The following LIMS1 variants were observed in gnomAD, a reference collection of about 807,000 sequenced individuals.
LIMS1 encodes the protein LIM and senescent cell antigen-like-containing domain protein 1.
In LIMS1, 18 loss-of-function variants were observed where a neutral mutation model predicts 44.1. That is an observed-to-expected ratio of 0.41 (90% CI 0.28 to 0.61). The LOEUF (loss-of-function observed/expected upper bound fraction) is 0.61. Ranked by LOEUF, LIMS1 falls within the 20% of genes least tolerant of loss-of-function variation. LIMS1 has a pLI of 0.32. For synonymous variants in LIMS1, 93 were observed against 149.1 expected, an observed-to-expected ratio of 0.62 and a Z score of 2.74; for missense variants, 201 against 422.0, an observed-to-expected ratio of 0.48 and a Z score of 4.59.
At chr2:108,608,796 C>G (rs1325816510) in intron 1 of LIMS1, among the ~76,000 whole-genome samples, 1 of 152,112 alleles carries the variant, frequency 6.6e-6, no homozygotes, top group Admixed American at 6.5e-5. Context: ...TGTCACTCAC[C>G]AGTTGGGAGC....
rs968585330 is a variant in LIMS1, at chr2:108,649,944, T to G, written c.33-9661T>G. ...AACAAACCTGCACGTTCTGCACATG[T>G]ACCTACCTCGAACTTGAAGTATAAT... On this transcript the variant is annotated intron_variant, in intron 1 of 9. Coordinates refer to ENST00000544547, the Ensembl canonical transcript of LIMS1. 3.9e-5 allele frequency among the ~76,000 whole-genome samples: 6 copies of G among 152,318 alleles called. No individual in the cohort carries two copies. The East Asian group carries it at 1.2e-3, about 29-fold the overall frequency.
chr2:108,642,948 C>T (rs1573532923), intron 1 of LIMS1, among the ~76,000 whole-genome samples: 1 of 152,280 alleles, frequency 6.6e-6, no homozygotes, highest in East Asian at 1.9e-4. Context: ...GGCCCTTAAC[C>T]AAGCTATTGG....
At chr2:108,588,038 AT>A (rs1686191660) in intron 1 of LIMS1, among the ~76,000 whole-genome samples, 1 of 152,190 alleles carries the variant, frequency 6.6e-6, no homozygotes, top group South Asian at 2.1e-4. Flanking sequence ...AGAGGCTATC[AT>A]TTTTTTAAAG....
chr2:108,683,879 CT>C lies in LIMS1; in HGVS notation c.900-3del. On this transcript the variant is annotated splice_region_variant and splice_polypyrimidine_tract_variant and intron_variant, in intron 9 of 9. Coordinates refer to ENST00000544547, the Ensembl canonical transcript of LIMS1. ...CTTCTTTTTTTTTATAATTTTTTGTCTTTAGGAATAAGTTTGTGGAGTTTGA... is the reference window on the plus strand; with the variant it reads ...CTTCTTTTTTTTTATAATTTTTTGTCTTAGGAATAAGTTTGTGGAGTTTGA... The C allele has an allele frequency of 1.4e-6, 2 of 1,436,678 alleles. No individual in the cohort carries two copies. The highest frequency in any genetic ancestry group is 1.9e-6 in the Non-Finnish European group (2 of 1,057,842). The allele number at this position is 1,436,678 out of a possible 1,614,324, so 89.0% of individuals were successfully genotyped here.
At position 108,605,203 on chromosome 2, in the gene LIMS1, A is replaced by G. The variant is rs182723057; in HGVS notation, c.33-54402A>G. On this transcript the variant is annotated intron_variant, in intron 1 of 9. Coordinates refer to ENST00000544547, the Ensembl canonical transcript of LIMS1. ...TGACACCCATTGTTTAGGGGCAGCA[A>G]TAGAACCTGGTGTGAGCAGCACAGC... Among the ~76,000 whole-genome samples, 80 of 152,286 alleles carry G rather than the reference A, an allele frequency of 5.3e-4. 1 individual carries two copies. The highest frequency in any genetic ancestry group is 1.5e-3 in the African/African-American group (64 of 41,568).
intron 1 of LIMS1, among the ~76,000 whole-genome samples, chr2:108,578,065 G>A (rs865892746): frequency 1.3e-5 from 2 of 152,026 alleles, no homozygotes; most frequent in South Asian, 4.2e-4. Flanking sequence ...GTCCGCCACT[G>A]CGCCTGGCTA....
intron 1 of LIMS1, among the ~76,000 whole-genome samples, chr2:108,598,607 C>T (rs953141311): frequency 2.0e-5 from 3 of 152,136 alleles, no homozygotes; most frequent in African/African-American, 4.8e-5. Flanking sequence ...GGAGAACGGA[C>T]GGAGTGTGGG....
chr2:108,573,338 CT>C (rs1234365567), intron 1 of LIMS1, among the ~76,000 whole-genome samples: 1 of 147,344 alleles, frequency 6.8e-6, no homozygotes, highest in Non-Finnish European at 1.5e-5. Context: ...GTACAGTGAT[CT>C]TTTGGCCATG....
intron 1 of LIMS1, among the ~76,000 whole-genome samples, chr2:108,635,168 C>A (rs935364258): frequency 1.3e-5 from 2 of 152,154 alleles, no homozygotes; most frequent in Non-Finnish European, 2.9e-5. Context: ...CGGTGACTCA[C>A]GCCTGTAACC....
chr2:108,593,068 G>A (rs566784259), intron 1 of LIMS1, among the ~76,000 whole-genome samples: 18 of 152,238 alleles, frequency 1.2e-4, no homozygotes, highest in African/African-American at 3.1e-4. Flanking sequence ...GCTGGGTCAT[G>A]TGGTAATTCT....
In LIMS1 at chr2:108,604,895, T is replaced by G. The variant is rs144279488; in HGVS notation, c.33-54710T>G. Among the ~76,000 whole-genome samples, 336 of 152,314 alleles carry G rather than the reference T, an allele frequency of 2.2e-3. 2 individuals are homozygous for G. Among genetic ancestry groups the G allele is most frequent in the Middle Eastern group, 0.014 (4 of 294 alleles). On this transcript the variant is annotated intron_variant, in intron 1 of 9. Coordinates refer to ENST00000544547, the Ensembl canonical transcript of LIMS1. ...GCAGGAAGGATTGATGGGTCAGGGA[T>G]TAATGCCACATAGTTCCTTTTTCAC...
At chr2:108,549,769 C>T (rs1684621414) in intron 1 of LIMS1, among the ~76,000 whole-genome samples, 2 of 152,056 alleles carry the variant, frequency 1.3e-5, no homozygotes, top group African/African-American at 2.4e-5. Flanking sequence ...GAGGAATAAA[C>T]AGGCAAGAAT....
At chr2:108,586,289 C>T (rs1011824400) in intron 1 of LIMS1, among the ~76,000 whole-genome samples, 2 of 151,546 alleles carry the variant, frequency 1.3e-5, no homozygotes, top group African/African-American at 4.9e-5. Flanking sequence ...AAGATAGACT[C>T]ATTTTAACGT....
chr2:108,590,108 G>A (rs984693061), intron 1 of LIMS1, among the ~76,000 whole-genome samples: 1 of 152,186 alleles, frequency 6.6e-6, no homozygotes, highest in Non-Finnish European at 1.5e-5. Context: ...TACATGACTT[G>A]CCTTATACAG....
At chr2:108,650,091 T>G (rs1042343844) in intron 1 of LIMS1, among the ~76,000 whole-genome samples, 2 of 152,160 alleles carry the variant, frequency 1.3e-5, no homozygotes, top group Non-Finnish European at 2.9e-5. Context: ...GAATCTGACT[T>G]TTTTGGTATT....
intron 1 of LIMS1, among the ~76,000 whole-genome samples, chr2:108,645,480 A>T (rs1466495094): frequency 6.6e-6 from 1 of 152,042 alleles, no homozygotes; most frequent in Non-Finnish European, 1.5e-5. Context: ...CCTTACAAGA[A>T]CTCCTGAAGG....
intron 1 of LIMS1, among the ~76,000 whole-genome samples, chr2:108,613,799 C>G (rs917995268): frequency 1.3e-5 from 2 of 152,146 alleles, no homozygotes; most frequent in Non-Finnish European, 2.9e-5. Flanking sequence ...TCCCCTCAGC[C>G]ACAGGGTCAG....
At chr2:108,552,606 G>GTGTGTGTGTC (rs1240305292) in intron 1 of LIMS1, among the ~76,000 whole-genome samples, 4 of 144,410 alleles carry the variant, frequency 2.8e-5, no homozygotes, top group Non-Finnish European at 6.1e-5. Context: ...GTGTGTGTGT[G>GTGTGTGTGTC]TGTGTGTTTT....
chr2:108,542,781 C>T (rs1302225995), intron 1 of LIMS1, among the ~76,000 whole-genome samples: 1 of 152,162 alleles, frequency 6.6e-6, no homozygotes, highest in East Asian at 1.9e-4. Flanking sequence ...AGCTTAAACT[C>T]CTCTGTCTTG....
Sources: gnomAD v4.1 joint callset for allele counts (sites outside exome capture counted in the v4.1 genomes callset) on GRCh38, gnomAD v4.1.1 for gene constraint, MANE v1.5 for transcripts, NCBI Gene and HGNC (gene_info 2026-07-23, HGNC 2026-07-21) for gene names.